GRID2: variants seen among roughly 807,000 people sequenced by gnomAD.
GRID2 encodes the protein glutamate receptor ionotropic, delta-2.
Under a neutral mutation model 114.8 loss-of-function variants are expected in GRID2, and 33 were observed. That is an observed-to-expected ratio of 0.29 (90% CI 0.22 to 0.38). The LOEUF (loss-of-function observed/expected upper bound fraction) is 0.38, where lower values mean the gene tolerates loss of function less well. Ranked by LOEUF, GRID2 falls within the 10% of genes least tolerant of loss-of-function variation. The pLI, the probability that GRID2 is intolerant of heterozygous loss-of-function variation, is 1.00. For missense variants in GRID2, 1,184 were observed against 1,257.7 expected (o/e 0.94, Z 0.89); for synonymous variants, 505 against 449.9 (o/e 1.12, Z -1.55).
intron 1 of GRID2, among the ~76,000 whole-genome samples, chr4:92,356,794 G>T (rs567831848): frequency 2.1e-4 from 32 of 151,798 alleles, no homozygotes; most frequent in African/African-American, 7.2e-4. Flanking sequence ...ATGCAAAAAG[G>T]ATTGAAATTT....
intron 1 of GRID2, among the ~76,000 whole-genome samples, chr4:92,344,087 T>C (rs545529336): frequency 6.6e-6 from 1 of 152,234 alleles, no homozygotes; most frequent in South Asian, 2.1e-4. Context: ...TATAAGTGGA[T>C]CTGTGCAGTT....
At chr4:93,556,421 A>T (rs1734319689) in intron 13 of GRID2, among the ~76,000 whole-genome samples, 1 of 152,226 alleles carries the variant, frequency 6.6e-6, no homozygotes, top group African/African-American at 2.4e-5. Flanking sequence ...AAATTACCTG[A>T]TGGAGCTGCA....
At chr4:93,677,966 G>A (rs571877448) in intron 14 of GRID2, among the ~76,000 whole-genome samples, 119 of 151,636 alleles carry the variant, frequency 7.8e-4, no homozygotes, top group Non-Finnish European at 4.4e-4. Context: ...GGCTTCAGAC[G>A]ATCAAACTAC....
intron 8 of GRID2, among the ~76,000 whole-genome samples, chr4:93,317,325 T>C (rs1056458361): frequency 9.0e-4 from 2 of 2,224 alleles, no homozygotes; most frequent in South Asian, 0.024. Context: ...CTCCTCAGGT[T>C]TTTTTTTTTT....
chr4:92,371,825 C>G (rs1729130381), intron 1 of GRID2, among the ~76,000 whole-genome samples: 1 of 151,946 alleles, frequency 6.6e-6, no homozygotes, highest in Non-Finnish European at 1.5e-5. Flanking sequence ...TCATAATAGA[C>G]CTGGGCAAAG....
chr4:92,960,380 A>G (rs1752721541), intron 2 of GRID2, among the ~76,000 whole-genome samples: 1 of 151,974 alleles, frequency 6.6e-6, no homozygotes, highest in Non-Finnish European at 1.5e-5. Context: ...CAAATATAAT[A>G]GCAGGTTTAT....
chr4:93,623,174 C>CTTT (rs1351720083), intron 13 of GRID2, among the ~76,000 whole-genome samples: 2 of 151,742 alleles, frequency 1.3e-5, no homozygotes, highest in African/African-American at 2.4e-5. Context: ...TATTATTATA[C>CTTT]TTTAAGTTCT....
intron 10 of GRID2, among the ~76,000 whole-genome samples, chr4:93,454,618 G>A (rs918963279): frequency 6.6e-6 from 1 of 152,010 alleles, no homozygotes; most frequent in Non-Finnish European, 1.5e-5. Context: ...ATTTTTAAAA[G>A]CATTATTAGT....
chr4:92,985,363 C>T (rs1248814210), intron 2 of GRID2, among the ~76,000 whole-genome samples: 1 of 151,572 alleles, frequency 6.6e-6, no homozygotes, highest in Admixed American at 6.6e-5. Context: ...GGACTGGCCT[C>T]AGCTGCGACT....
chr4:92,849,689 T>C (rs1053618435), intron 2 of GRID2, among the ~76,000 whole-genome samples: 1 of 151,862 alleles, frequency 6.6e-6, no homozygotes, highest in Non-Finnish European at 1.5e-5. Context: ...AAATCACTTA[T>C]ATTTACTTTG....
chr4:93,464,654 T>C lies in GRID2; in HGVS notation c.1858+8680T>C, dbSNP rs1580160564. Among the ~76,000 whole-genome samples, 6 of 152,332 alleles carry C rather than the reference T, an allele frequency of 3.9e-5. No individual in the cohort carries two copies. The South Asian group carries it at 1.2e-3, about 32-fold the overall frequency. On this transcript the variant is annotated intron_variant, in intron 11 of 15. Transcript: ENST00000282020. Reference sequence around the variant, plus strand: ...TTATGTATCTCATTATATATATCAATGTCACTAGTGAACTACATTTTTATG... The same window carrying C: ...TTATGTATCTCATTATATATATCAACGTCACTAGTGAACTACATTTTTATG...
chr4:92,850,593 A>G lies in GRID2; in HGVS notation c.245-234402A>G, dbSNP rs1302688822. ...TACTATGGTATCATGTTTATTTCTT[A>G]CCCATATATTTTAGTATTTTTCCTC... On this transcript the variant is annotated intron_variant, in intron 2 of 15. Transcript: ENST00000282020. Among the ~76,000 whole-genome samples the G allele has an allele frequency of 4.0e-5, 6 of 151,846 alleles. No homozygotes were observed. The East Asian group carries it at 1.2e-3, about 29-fold the overall frequency.
intron 8 of GRID2, among the ~76,000 whole-genome samples, chr4:93,286,147 CAT>C (rs1753130167): frequency 6.6e-6 from 1 of 151,878 alleles, no homozygotes; most frequent in Non-Finnish European, 1.5e-5. Flanking sequence ...AAAAATCAAA[CAT>C]AATAGGATTA....
chr4:93,202,217 A>T (rs895499277), intron 4 of GRID2, among the ~76,000 whole-genome samples: 24 of 152,232 alleles, frequency 1.6e-4, no homozygotes, highest in Non-Finnish European at 8.8e-5. Flanking sequence ...GTGGTTTTTT[A>T]AAATCAATAT....
chr4:92,975,712 A>G (rs1309118953), intron 2 of GRID2, among the ~76,000 whole-genome samples: 2 of 152,180 alleles, frequency 1.3e-5, no homozygotes, highest in Non-Finnish European at 2.9e-5. Flanking sequence ...ACAACTTATC[A>G]TAGCACAGCA....
At chr4:92,762,962 C>G (rs1738090396) in intron 2 of GRID2, among the ~76,000 whole-genome samples, 1 of 152,112 alleles carries the variant, frequency 6.6e-6, no homozygotes, top group Admixed American at 6.6e-5. Context: ...ACCAGTGTTA[C>G]TGAGTTTACT....
At chr4:92,971,443 C>T (rs1358297718) in intron 2 of GRID2, among the ~76,000 whole-genome samples, 1 of 151,732 alleles carries the variant, frequency 6.6e-6, no homozygotes, top group African/African-American at 2.4e-5. Context: ...AATAATTGTA[C>T]ATACACAGTT....
intron 14 of GRID2, among the ~76,000 whole-genome samples, chr4:93,704,083 A>G (rs1421318085): frequency 6.6e-6 from 1 of 152,112 alleles, no homozygotes; most frequent in Non-Finnish European, 1.5e-5. Context: ...TGACTTCCAC[A>G]ATGGTTGAAC....
intron 2 of GRID2, among the ~76,000 whole-genome samples, chr4:92,813,372 C>A (rs1332902314): frequency 2.0e-5 from 3 of 152,084 alleles, no homozygotes. Context: ...AGAAAGAGAG[C>A]AAGCTATACA....
Sources: gnomAD v4.1 joint callset for allele counts (sites outside exome capture counted in the v4.1 genomes callset) on GRCh38, gnomAD v4.1.1 for gene constraint, MANE v1.5 for transcripts, NCBI Gene and HGNC (gene_info 2026-07-23, HGNC 2026-07-21) for gene names.